Variants in ADAMTSL1 observed in about 807,000 individuals in gnomAD.
The protein encoded by ADAMTSL1 is ADAMTS like 1.
A neutral mutation model predicts 201.8 loss-of-function variants in ADAMTSL1; 126 were observed. That is an observed-to-expected ratio of 0.62 (90% CI 0.54 to 0.72). The LOEUF is 0.72. Ranked by LOEUF, ADAMTSL1 falls within the 30% of genes least tolerant of loss-of-function variation. The pLI, the probability that ADAMTSL1 is intolerant of heterozygous loss-of-function variation, is 0.00. For synonymous variants in ADAMTSL1, 1,121 were observed against 903.4 expected (o/e 1.24, Z -4.32); for missense variants, 2,679 against 2,277.8 (o/e 1.18, Z -3.59).
At chr9:18,489,303 G>A (rs547887539) in intron 1 of ADAMTSL1, among the ~76,000 whole-genome samples, 1 of 152,182 alleles carries the variant, frequency 6.6e-6, no homozygotes, top group African/African-American at 2.4e-5. Flanking sequence ...CCTAAAACAG[G>A]GATAATATAC....
chr9:18,220,447 T>C (rs1830212402), intron 2 of ADAMTSL1, among the ~76,000 whole-genome samples: 1 of 152,172 alleles, frequency 6.6e-6, no homozygotes, highest in Non-Finnish European at 1.5e-5. Context: ...ACAAACTTTT[T>C]ATTGTCATTT....
intron 1 of ADAMTSL1, among the ~76,000 whole-genome samples, chr9:17,937,908 G>C (rs968480700): frequency 6.6e-6 from 1 of 152,108 alleles, no homozygotes; most frequent in Non-Finnish European, 1.5e-5. Context: ...ACACCTGCTT[G>C]CTCTTAAGAA....
At chr9:17,943,010 C>G (rs755943825) in intron 1 of ADAMTSL1, among the ~76,000 whole-genome samples, 8 of 152,112 alleles carry the variant, frequency 5.3e-5, no homozygotes, top group African/African-American at 1.9e-4. Context: ...CAGCCTCAAT[C>G]TCCTGGTCTT....
At chr9:18,411,667 T>C (rs1311847612) in intron 2 of ADAMTSL1, among the ~76,000 whole-genome samples, 1 of 152,150 alleles carries the variant, frequency 6.6e-6, no homozygotes, top group African/African-American at 2.4e-5. Context: ...AAAATATCAG[T>C]ATTTTGCTAT....
chr9:18,650,481 C>T (rs891416625), intron 7 of ADAMTSL1, among the ~76,000 whole-genome samples: 3 of 152,114 alleles, frequency 2.0e-5, no homozygotes, highest in Admixed American at 6.5e-5. Context: ...CCGTCTTCTG[C>T]GTAGCTCACG....
intron 2 of ADAMTSL1, among the ~76,000 whole-genome samples, chr9:18,267,771 A>AAC (rs1220719473): frequency 1.5e-5 from 2 of 136,496 alleles, no homozygotes; most frequent in African/African-American, 5.2e-5. Flanking sequence ...TTAAAAAAAA[A>AAC]AAACAAAAAC....
At chr9:18,002,606 C>G (rs899362510) in intron 1 of ADAMTSL1, among the ~76,000 whole-genome samples, 4 of 152,010 alleles carry the variant, frequency 2.6e-5, no homozygotes, top group African/African-American at 9.7e-5. Flanking sequence ...ATTCCAAGCT[C>G]TGCCATTTAT....
At chr9:18,496,842 A>G (rs145002710) in intron 1 of ADAMTSL1, among the ~76,000 whole-genome samples, 14 of 152,338 alleles carry the variant, frequency 9.2e-5, no homozygotes, top group Admixed American at 3.9e-4. Context: ...GAAAGTATCT[A>G]TGGCTGATTG....
At chr9:18,302,014 G>T (rs1404131207) in intron 2 of ADAMTSL1, among the ~76,000 whole-genome samples, 1 of 152,114 alleles carries the variant, frequency 6.6e-6, no homozygotes, top group Non-Finnish European at 1.5e-5. Context: ...AGAAAGTCTG[G>T]GATGTTAGAT....
At chr9:18,159,017 C>T (rs915587744) in intron 1 of ADAMTSL1, among the ~76,000 whole-genome samples, 1 of 152,044 alleles carries the variant, frequency 6.6e-6, no homozygotes, top group Non-Finnish European at 1.5e-5. Context: ...TAAACATTTG[C>T]ATGTTCTACT....
At chr9:18,047,120 A>G (rs1821694049) in intron 1 of ADAMTSL1, among the ~76,000 whole-genome samples, 1 of 152,200 alleles carries the variant, frequency 6.6e-6, no homozygotes, top group African/African-American at 2.4e-5. Context: ...AGATGTTACT[A>G]CAGAGCACTG....
intron 23 of ADAMTSL1, among the ~76,000 whole-genome samples, chr9:18,830,482 A>G (rs1824905519): frequency 6.6e-6 from 1 of 152,214 alleles, no homozygotes; most frequent in Non-Finnish European, 1.5e-5. Context: ...CAACCCAGAT[A>G]GACTCCTCAA....
chr9:18,145,889 T>G (rs1002489648), intron 1 of ADAMTSL1, among the ~76,000 whole-genome samples: 3 of 152,126 alleles, frequency 2.0e-5, no homozygotes, highest in South Asian at 2.1e-4. Flanking sequence ...CAAAGAGCTC[T>G]TAAAACTCAA....
At position 18,721,672 on chromosome 9, in the gene ADAMTSL1, G is replaced by A. The variant is rs762101867; in HGVS notation, c.2006+7G>A. 3.7e-6 allele frequency: 6 copies of A among 1,613,626 alleles called. No homozygotes were observed. In the South Asian group the frequency reaches 6.6e-5, roughly 18 times the overall value. On this transcript the variant is annotated splice_region_variant and intron_variant, in intron 15 of 28. Coordinates refer to ENST00000380548, the MANE Select transcript of ADAMTSL1 (RefSeq NM_001040272.6). Reference sequence around the variant, plus strand: ...TGGATCCCTGCCCAGCAAGGTAAGGGATGTGTGGCCTGCCCTGCTGTCCAG... The same window carrying A: ...TGGATCCCTGCCCAGCAAGGTAAGGAATGTGTGGCCTGCCCTGCTGTCCAG...
chr9:17,986,452 G>A (rs985398042), intron 1 of ADAMTSL1, among the ~76,000 whole-genome samples: 1 of 151,914 alleles, frequency 6.6e-6, no homozygotes. Flanking sequence ...TGGCAGACAT[G>A]GTGGAAGAAA....
At chr9:18,267,996 G>A (rs1267923710) in intron 2 of ADAMTSL1, among the ~76,000 whole-genome samples, 1 of 152,070 alleles carries the variant, frequency 6.6e-6, no homozygotes, top group Non-Finnish European at 1.5e-5. Flanking sequence ...AAAAATTTAA[G>A]TATTGTGCTT....
chr9:18,883,317 G>T (rs111932435), intron 23 of ADAMTSL1, among the ~76,000 whole-genome samples: 17 of 152,176 alleles, frequency 1.1e-4, no homozygotes, highest in African/African-American at 3.6e-4. Context: ...GGCCAGTCCC[G>T]GCATGACTTT....
chr9:18,709,775 G>A (rs573063712), intron 14 of ADAMTSL1, among the ~76,000 whole-genome samples: 1 of 152,164 alleles, frequency 6.6e-6, no homozygotes, highest in Non-Finnish European at 1.5e-5. Flanking sequence ...AGCCTGATCA[G>A]CTTTATTGTA....
chr9:18,015,475 T>C (rs910358107), intron 1 of ADAMTSL1, among the ~76,000 whole-genome samples: 4 of 152,090 alleles, frequency 2.6e-5, no homozygotes, highest in African/African-American at 9.7e-5. Context: ...AGCAGAGACA[T>C]TTTGATCCTA....
Sources: gnomAD v4.1 joint callset for allele counts (sites outside exome capture counted in the v4.1 genomes callset) on GRCh38, gnomAD v4.1.1 for gene constraint, MANE v1.5 for transcripts, NCBI Gene and HGNC (gene_info 2026-07-23, HGNC 2026-07-21) for gene names.